FAM53A: variants seen among roughly 807,000 people sequenced by gnomAD.
FAM53A encodes the protein protein FAM53A.
A neutral mutation model predicts 26.6 loss-of-function variants in FAM53A; 28 were observed. The observed-to-expected ratio is 1.05, with a 90% CI of 0.78 to 1.45. The LOEUF (loss-of-function observed/expected upper bound fraction) is 1.45. FAM53A is among the 40% of genes most tolerant of loss of function. FAM53A has a pLI of 0.00. For synonymous variants in FAM53A, 290 were observed against 253.1 expected, an observed-to-expected ratio of 1.15 and a Z score of -1.38; for missense variants, 650 against 575.8, an observed-to-expected ratio of 1.13 and a Z score of -1.32.
intron 4 of FAM53A, chr4:1,644,319 G>A (rs1036802674): frequency 1.3e-6 from 2 of 1,535,890 alleles, no homozygotes; most frequent in South Asian, 1.2e-5. Context: ...CGCGGGACTC[G>A]CACTCGCGGG....
the FAM53A span, among the ~76,000 whole-genome samples, chr4:1,580,496 G>C: frequency 6.6e-6 from 1 of 151,988 alleles, no homozygotes; most frequent in East Asian, 1.9e-4. Context: ...CGGGGTGCAC[G>C]GAGCCCCAGA....
At chr4:1,579,733 C>G in the FAM53A span, among the ~76,000 whole-genome samples, 1 of 152,198 alleles carries the variant, frequency 6.6e-6, no homozygotes, top group South Asian at 2.1e-4. Flanking sequence ...ACGCGTGTCC[C>G]CAGGGCGCCT....
At chr4:1,615,917 T>C (rs1453859499), downstream of FAM53A, among the ~76,000 whole-genome samples, 1 of 152,172 alleles carries the variant, frequency 6.6e-6, no homozygotes, top group Non-Finnish European at 1.5e-5. Context: ...TGGGCAAGGC[T>C]GTGGATGGCG....
the FAM53A span, among the ~76,000 whole-genome samples, chr4:1,600,218 C>T: frequency 6.6e-6 from 1 of 152,130 alleles, no homozygotes; most frequent in Non-Finnish European, 1.5e-5. Context: ...GAGGGGGTGC[C>T]CTACTCCAGA....
intron 1 of FAM53A, among the ~76,000 whole-genome samples, chr4:1,621,222 G>A (rs1715018135): frequency 6.7e-6 from 1 of 148,446 alleles, no homozygotes; most frequent in Admixed American, 7.0e-5. Context: ...TCCTGCCTCA[G>A]CCTCCCGCAT....
the FAM53A span, among the ~76,000 whole-genome samples, chr4:1,589,927 G>A: frequency 6.6e-6 from 1 of 151,936 alleles, no homozygotes. Flanking sequence ...TTTACATCTT[G>A]TTTCCTTAGC....
intron 4 of FAM53A, among the ~76,000 whole-genome samples, chr4:1,642,536 A>G (rs1252138427): frequency 6.6e-6 from 1 of 152,036 alleles, no homozygotes; most frequent in African/African-American, 2.4e-5. Context: ...TCTGAGCTGC[A>G]AACAGTCTCC....
intron 2 of FAM53A, among the ~76,000 whole-genome samples, chr4:1,664,149 GAT>G (rs2108971017): frequency 6.6e-6 from 1 of 152,306 alleles, no homozygotes; most frequent in South Asian, 2.1e-4. Context: ...ATGCTGACCG[GAT>G]AGAGATATTA....
chr4:1,668,825 G>A lies in FAM53A; in HGVS notation c.-84C>T, dbSNP rs913285941. ...ACTTGCGAAGGCCCCAGCATTGCTG[G>A]GTCAGCCAAATCTCAAGGTCATGTC... On this transcript the variant is annotated 5_prime_UTR_variant, in exon 2 of 5. Coordinates refer to ENST00000308132, the MANE Select transcript of FAM53A (RefSeq NM_001174070.3). The A allele has an allele frequency of 1.1e-5, 15 of 1,339,520 alleles. No homozygotes were observed. The African/African-American group carries it at 1.9e-4, about 17-fold the overall frequency. 83.0% of individuals were successfully genotyped at this position (1,339,520 alleles called of 1,614,324 possible). A position where few individuals can be genotyped will look rare whatever the true frequency, so the allele number is the denominator to read the frequency against.
chr4:1,634,962 T>C (rs1013212652), downstream of FAM53A, among the ~76,000 whole-genome samples: 1 of 152,172 alleles, frequency 6.6e-6, no homozygotes, highest in East Asian at 1.9e-4. Context: ...CAGGAAGATT[T>C]TAAACTACTG....
chr4:1,614,598 G>A (rs978701561), downstream of FAM53A, among the ~76,000 whole-genome samples: 1 of 152,138 alleles, frequency 6.6e-6, no homozygotes, highest in African/African-American at 2.4e-5. Context: ...GCAGCAAGAG[G>A]ACGGGGCGCC....
intron 4 of FAM53A, among the ~76,000 whole-genome samples, chr4:1,643,651 C>T (rs1423244943): frequency 6.7e-6 from 1 of 150,166 alleles, no homozygotes; most frequent in Non-Finnish European, 1.5e-5. Flanking sequence ...ACTGCAGCCT[C>T]GACCTCCCGG....
intron 2 of FAM53A, 32 bp downstream of exon 2, chr4:1,668,628 GGAGGGGC>G: frequency 3.1e-6 from 5 of 1,611,368 alleles, no homozygotes; most frequent in Non-Finnish European, 4.2e-6. Flanking sequence ...ACAGCACGGG[GGAGGGGC>G]ACCCAGCCTG....
At chr4:1,654,911 C>G (rs1713178203) in intron 4 of FAM53A, 67 bp downstream of exon 4, 1 of 1,450,310 alleles carries the variant, frequency 6.9e-7, no homozygotes, top group East Asian at 2.6e-5. Context: ...AATCAGCCAG[C>G]CTCACCCCAG....
Position 1,620,100 on chromosome 4 carries a change from G to A in FAM53A, c.432-1989C>T, listed in dbSNP as rs557531290. ...GCGGGCAGCTGTAGTCCCAGTACTGGGGAGGCAGAGGCAGGAGAATCGCTT... is the reference window on the plus strand; with the variant it reads ...GCGGGCAGCTGTAGTCCCAGTACTGAGGAGGCAGAGGCAGGAGAATCGCTT... On this transcript the variant is annotated intron_variant, in intron 1 of 1. Transcript: ENST00000489029. Among the ~76,000 whole-genome samples, 22 of 152,074 alleles carry A rather than the reference G, an allele frequency of 1.4e-4. No homozygotes were observed. The South Asian group carries it at 1.7e-3, about 12-fold the overall frequency.
chr4:1,676,705 C>T (rs1226311592), intron 1 of FAM53A, among the ~76,000 whole-genome samples: 3 of 152,166 alleles, frequency 2.0e-5, no homozygotes, highest in African/African-American at 4.8e-5. Context: ...TGTGCCGCAG[C>T]GCGCCCCTCT....
chr4:1,579,836 C>A, the FAM53A span, among the ~76,000 whole-genome samples: 1 of 152,170 alleles, frequency 6.6e-6, no homozygotes, highest in Admixed American at 6.5e-5. Flanking sequence ...GCGCAGGGGC[C>A]GAGCATCCGC....
intron 1 of FAM53A, among the ~76,000 whole-genome samples, chr4:1,629,334 C>T (rs1715506623): frequency 1.3e-5 from 2 of 152,310 alleles, no homozygotes; most frequent in South Asian, 2.1e-4. Flanking sequence ...AGGGGAAGTG[C>T]GGGCGAAGCC....
At chr4:1,579,558 C>G in the FAM53A span, among the ~76,000 whole-genome samples, 1 of 152,212 alleles carries the variant, frequency 6.6e-6, no homozygotes, top group African/African-American at 2.4e-5. Context: ...GGTGACGCAG[C>G]CTCTGTGTGA....
Sources: allele counts gnomAD v4.1 joint callset (sites outside exome capture counted in the v4.1 genomes callset), GRCh38; gene constraint gnomAD v4.1.1; transcripts MANE v1.5; gene names NCBI Gene and HGNC (gene_info 2026-07-23, HGNC 2026-07-21).